The following NSMCE2 variants were observed in gnomAD, a reference collection of about 807,000 sequenced individuals.
The protein encoded by NSMCE2 is E3 SUMO-protein ligase NSE2.
NSMCE2 carries 24 observed loss-of-function variants against 23.8 expected under a neutral mutation model. The observed-to-expected ratio is 1.01, with a 90% CI of 0.73 to 1.42. NSMCE2 has a LOEUF of 1.42. Ranked by LOEUF, NSMCE2 falls within the 40% of genes most tolerant of loss-of-function variation. The probability of loss-of-function intolerance (pLI) is 0.00; values close to 1 mark genes in which losing one functional copy is unlikely to be tolerated. For missense variants in NSMCE2, 284 were observed against 296.5 expected, an observed-to-expected ratio of 0.96 and a Z score of 0.31; for synonymous variants, 92 against 94.1, an observed-to-expected ratio of 0.98 and a Z score of 0.13.
intron 5 of NSMCE2, among the ~76,000 whole-genome samples, chr8:125,191,576 G>A (rs1823346457): frequency 6.6e-6 from 1 of 152,190 alleles, no homozygotes; most frequent in African/African-American, 2.4e-5. Flanking sequence ...TTAGGGAGTA[G>A]TAATGATACC....
At chr8:125,355,408 C>A (rs1418758025) in intron 5 of NSMCE2, among the ~76,000 whole-genome samples, 2 of 152,156 alleles carry the variant, frequency 1.3e-5, no homozygotes, top group Admixed American at 6.6e-5. Context: ...TAGAAAGCTA[C>A]TGATCTTTTG....
chr8:125,135,409 T>G (rs1270432964), intron 3 of NSMCE2, among the ~76,000 whole-genome samples: 1 of 152,138 alleles, frequency 6.6e-6, no homozygotes, highest in Non-Finnish European at 1.5e-5. Flanking sequence ...AGTTTACCAA[T>G]TTTTTCTCTT....
intron 4 of NSMCE2, among the ~76,000 whole-genome samples, chr8:125,175,280 G>A (rs1179415307): frequency 6.6e-6 from 1 of 152,144 alleles, no homozygotes; most frequent in Non-Finnish European, 1.5e-5. Flanking sequence ...CTGGGACTCA[G>A]TAATTATTTG....
chr8:125,309,168 G>A (rs960660021), intron 5 of NSMCE2, among the ~76,000 whole-genome samples: 4 of 146,988 alleles, frequency 2.7e-5, no homozygotes, highest in African/African-American at 1.0e-4. Context: ...AGAATCGCTT[G>A]AACCTAGAGG....
chr8:125,339,819 C>T (rs1157176649), intron 5 of NSMCE2, among the ~76,000 whole-genome samples: 1 of 152,074 alleles, frequency 6.6e-6, no homozygotes, highest in Admixed American at 6.6e-5. Context: ...ATGCTACAGT[C>T]GTGGGTTTCC....
intron 5 of NSMCE2, among the ~76,000 whole-genome samples, chr8:125,339,262 C>T (rs1293659356): frequency 1.3e-5 from 2 of 152,212 alleles, no homozygotes; most frequent in South Asian, 2.1e-4. Flanking sequence ...CTGCTTGGGA[C>T]GGTCCTTTTC....
At chr8:125,308,913 T>G (rs1340498034) in intron 5 of NSMCE2, among the ~76,000 whole-genome samples, 1 of 152,202 alleles carries the variant, frequency 6.6e-6, no homozygotes, top group Non-Finnish European at 1.5e-5. Context: ...AATTTGAGCT[T>G]GATAACGTGG....
At chr8:125,218,590 T>G (rs1824708083) in intron 5 of NSMCE2, among the ~76,000 whole-genome samples, 1 of 152,066 alleles carries the variant, frequency 6.6e-6, no homozygotes, top group Admixed American at 6.6e-5. Flanking sequence ...TTTTGTATTT[T>G]TAGTAGACGT....
chr8:125,275,514 G>T (rs958028637), intron 5 of NSMCE2, among the ~76,000 whole-genome samples: 1 of 151,982 alleles, frequency 6.6e-6, no homozygotes, highest in Admixed American at 6.6e-5. Context: ...TCCTCTTACT[G>T]CCCTCTAACT....
chr8:125,274,976 A>G (rs1394811581), intron 5 of NSMCE2, among the ~76,000 whole-genome samples: 1 of 141,316 alleles, frequency 7.1e-6, no homozygotes, highest in Non-Finnish European at 1.5e-5. Context: ...TAGTCTTGCA[A>G]TTTTTCAGGA....
intron 5 of NSMCE2, among the ~76,000 whole-genome samples, chr8:125,235,476 T>C (rs1470024038): frequency 6.6e-6 from 1 of 152,204 alleles, no homozygotes; most frequent in Non-Finnish European, 1.5e-5. Context: ...AGCATATGTG[T>C]CATTTTTCTG....
At chr8:125,211,700 C>T (rs899861544) in intron 5 of NSMCE2, among the ~76,000 whole-genome samples, 6 of 152,186 alleles carry the variant, frequency 3.9e-5, no homozygotes, top group African/African-American at 1.4e-4. Context: ...ACAACCCCAT[C>T]AACAATGTAT....
At chr8:125,150,222 T>C (rs900635066) in intron 3 of NSMCE2, among the ~76,000 whole-genome samples, 4 of 152,172 alleles carry the variant, frequency 2.6e-5, no homozygotes, top group Admixed American at 2.0e-4. Context: ...GGTTCATCTT[T>C]ATACAAAGAG....
chr8:125,205,003 C>T (rs1255892314), intron 5 of NSMCE2, among the ~76,000 whole-genome samples: 1 of 152,206 alleles, frequency 6.6e-6, no homozygotes, highest in African/African-American at 2.4e-5. Flanking sequence ...GCTCCAGGCT[C>T]CTATTTCACT....
intron 3 of NSMCE2, among the ~76,000 whole-genome samples, chr8:125,112,319 T>G (rs1019467722): frequency 3.3e-5 from 5 of 152,206 alleles, no homozygotes; most frequent in African/African-American, 9.7e-5. Context: ...AGTACAGTCA[T>G]TATGGAAAAC....
chr8:125,358,893 C>CT (rs1813402667), intron 7 of NSMCE2, among the ~76,000 whole-genome samples: 1 of 152,154 alleles, frequency 6.6e-6, no homozygotes, highest in African/African-American at 2.4e-5. Flanking sequence ...AGAATAGTGG[C>CT]TTTGCTGCCT....
chr8:125,286,623 C>A (rs1198854271), intron 5 of NSMCE2, among the ~76,000 whole-genome samples: 1 of 152,022 alleles, frequency 6.6e-6, no homozygotes, highest in Non-Finnish European at 1.5e-5. Flanking sequence ...CAAATAACAT[C>A]TTTTATGTGC....
intron 3 of NSMCE2, among the ~76,000 whole-genome samples, chr8:125,121,571 A>T (rs957237140): frequency 6.6e-6 from 1 of 152,214 alleles, no homozygotes; most frequent in South Asian, 2.1e-4. Flanking sequence ...TGAGGAGACC[A>T]TGAATCTGTA....
chr8:125,277,905 T>G (rs1827536237), intron 5 of NSMCE2, among the ~76,000 whole-genome samples: 1 of 152,226 alleles, frequency 6.6e-6, no homozygotes, highest in Non-Finnish European at 1.5e-5. Flanking sequence ...CCAAATAATT[T>G]TTTTAAAAAG....
Sources: allele counts gnomAD v4.1 joint callset (sites outside exome capture counted in the v4.1 genomes callset), GRCh38; gene constraint gnomAD v4.1.1; transcripts MANE v1.5; gene names NCBI Gene and HGNC (gene_info 2026-07-23, HGNC 2026-07-21).